Variants in SDK1 observed in about 807,000 individuals in gnomAD.
SDK1 encodes the protein protein sidekick-1.
A neutral mutation model predicts 245.5 loss-of-function variants in SDK1; 157 were observed. The observed-to-expected ratio is 0.64, with a 90% CI of 0.56 to 0.73. The LOEUF (loss-of-function observed/expected upper bound fraction) is 0.73, where lower values mean the gene tolerates loss of function less well. Among genes scored for constraint, SDK1 ranks in the 30% least tolerant of loss-of-function variants. The pLI is 0.00. For synonymous variants in SDK1, 1,647 were observed against 1,278.5 expected (o/e 1.29, Z -6.15); for missense variants, 3,583 against 3,002.3 (o/e 1.19, Z -4.52).
rs559035341 is a variant in SDK1, at chr7:4,267,787, T to C, written c.*2403T>C. On this transcript the variant is annotated 3_prime_UTR_variant, in exon 45 of 45. Transcript: ENST00000404826. ...TCTCCCCTCCACTCTTAGTAAACCT[T>C]GATCTGTACGGAGCGGCCTGTCCGA... 7.1e-6 allele frequency: 7 copies of C among 985,522 alleles called. No homozygotes were observed. The highest frequency in any genetic ancestry group is 7.0e-5 in the African/African-American group (4 of 57,382). 61.0% of individuals were successfully genotyped at this position (985,522 alleles called of 1,614,324 possible). A position where few individuals can be genotyped will look rare whatever the true frequency, so the allele number is the denominator to read the frequency against.
At chr7:3,477,099 A>G (rs984982984) in intron 1 of SDK1, among the ~76,000 whole-genome samples, 1 of 151,806 alleles carries the variant, frequency 6.6e-6, no homozygotes, top group Admixed American at 6.6e-5. Context: ...TACATGAGCC[A>G]TTAAAGTACT....
intron 1 of SDK1, among the ~76,000 whole-genome samples, chr7:3,533,003 G>A (rs575811351): frequency 1.6e-4 from 24 of 152,304 alleles, no homozygotes; most frequent in African/African-American, 5.5e-4. Flanking sequence ...CAGCTGAAGG[G>A]CAGAGAATAA....
At chr7:3,848,486 G>C (rs371834910) in intron 5 of SDK1, among the ~76,000 whole-genome samples, 13 of 152,114 alleles carry the variant, frequency 8.5e-5, no homozygotes, top group Admixed American at 5.9e-4. Flanking sequence ...AGTCAGGCAG[G>C]CTTCTTGAGC....
chr7:3,429,775 T>G (rs1779781612), intron 1 of SDK1, among the ~76,000 whole-genome samples: 1 of 151,200 alleles, frequency 6.6e-6, no homozygotes, highest in Non-Finnish European at 1.5e-5. Context: ...TTTTTTTTTG[T>G]AGAGACAGGT....
At chr7:3,498,580 ATTAC>A (rs1206594108) in intron 1 of SDK1, among the ~76,000 whole-genome samples, 16 of 152,122 alleles carry the variant, frequency 1.1e-4, no homozygotes, top group Admixed American at 1.0e-3. Flanking sequence ...ATTGATAGCT[ATTAC>A]TTCTTCCTTT....
At chr7:3,521,017 T>A (rs1021014618) in intron 1 of SDK1, among the ~76,000 whole-genome samples, 2 of 152,194 alleles carry the variant, frequency 1.3e-5, no homozygotes, top group Non-Finnish European at 2.9e-5. Flanking sequence ...GCTGTCTATG[T>A]TCCTTTCTGG....
intron 17 of SDK1, among the ~76,000 whole-genome samples, chr7:4,043,407 C>G (rs978253121): frequency 2.0e-5 from 3 of 151,486 alleles, no homozygotes; most frequent in Non-Finnish European, 2.9e-5. Flanking sequence ...GAGTGAGTGT[C>G]ACAGCCAGGG....
At chr7:4,248,262 ACAC>A (rs1374974487) in intron 44 of SDK1, among the ~76,000 whole-genome samples, 2 of 151,954 alleles carry the variant, frequency 1.3e-5, no homozygotes, top group African/African-American at 4.8e-5. Context: ...AGAACACACA[ACAC>A]ACACACCTAA....
At chr7:3,881,768 G>C (rs1042072644) in intron 5 of SDK1, among the ~76,000 whole-genome samples, 11 of 152,176 alleles carry the variant, frequency 7.2e-5, no homozygotes, top group African/African-American at 1.4e-4. Flanking sequence ...CCTCACACCA[G>C]AATGGTTCCT....
At chr7:3,941,068 C>A (rs756720985) in intron 5 of SDK1, among the ~76,000 whole-genome samples, 1 of 152,078 alleles carries the variant, frequency 6.6e-6, no homozygotes, top group Non-Finnish European at 1.5e-5. Flanking sequence ...AGACCCCCGT[C>A]TGTCTCCTGA....
At chr7:4,255,253 A>G (rs764081761) in intron 44 of SDK1, among the ~76,000 whole-genome samples, 1 of 152,190 alleles carries the variant, frequency 6.6e-6, no homozygotes, top group Non-Finnish European at 1.5e-5. Context: ...GTTTTCAACA[A>G]TGTCCTTAGG....
chr7:3,752,634 C>T (rs1043598723), intron 4 of SDK1, among the ~76,000 whole-genome samples: 1 of 152,126 alleles, frequency 6.6e-6, no homozygotes, highest in Non-Finnish European at 1.5e-5. Context: ...GGATTTACGT[C>T]ATCTGATACT....
chr7:3,693,128 G>A (rs754834975), intron 4 of SDK1, among the ~76,000 whole-genome samples: 4 of 151,638 alleles, frequency 2.6e-5, no homozygotes, highest in Non-Finnish European at 4.4e-5. Context: ...ATTTCTTAAC[G>A]ATATTAATAA....
At chr7:4,066,906 T>G (rs867344424) in intron 19 of SDK1, among the ~76,000 whole-genome samples, 1 of 152,152 alleles carries the variant, frequency 6.6e-6, no homozygotes, top group Admixed American at 6.5e-5. Flanking sequence ...CACCTGCATC[T>G]TGGATTTTTA....
chr7:3,436,817 C>T (rs1194980954), intron 1 of SDK1, among the ~76,000 whole-genome samples: 1 of 152,062 alleles, frequency 6.6e-6, no homozygotes, highest in East Asian at 1.9e-4. Context: ...TGAATAAGAG[C>T]CAGAAGAATG....
intron 17 of SDK1, among the ~76,000 whole-genome samples, chr7:4,048,523 G>C (rs376842815): frequency 2.1e-5 from 3 of 141,736 alleles, no homozygotes; most frequent in Non-Finnish European, 3.0e-5. Context: ...ACCCATCCTC[G>C]CCAGGCTCCT....
intron 17 of SDK1, among the ~76,000 whole-genome samples, chr7:4,031,179 A>G (rs1328387277): frequency 1.3e-5 from 2 of 152,224 alleles, no homozygotes; most frequent in Non-Finnish European, 2.9e-5. Flanking sequence ...GTTCTTGTAC[A>G]TGTATATATA....
intron 4 of SDK1, among the ~76,000 whole-genome samples, chr7:3,689,245 A>G (rs760551495): frequency 3.9e-5 from 6 of 152,128 alleles, no homozygotes; most frequent in Non-Finnish European, 5.9e-5. Flanking sequence ...CTTCCCTTGC[A>G]GCTATGGGGA....
At position 3,701,987 on chromosome 7, in the gene SDK1, A is replaced by G. The variant is rs540728445; in HGVS notation, c.713+59882A>G. Among the ~76,000 whole-genome samples the G allele has an allele frequency of 3.6e-3, 551 of 151,474 alleles. 2 individuals carry two copies. Among genetic ancestry groups the G allele is most frequent in the Non-Finnish European group, 5.3e-3 (356 of 67,802 alleles). ...TATCTTGACCTACACCCTAATCTTT[A>G]TATAAAAATTTACTTAAAGTGTGTT... On this transcript the variant is annotated intron_variant, in intron 4 of 44. Transcript: ENST00000404826.
Sources: gnomAD v4.1 joint callset for allele counts (sites outside exome capture counted in the v4.1 genomes callset) on GRCh38, gnomAD v4.1.1 for gene constraint, MANE v1.5 for transcripts, NCBI Gene and HGNC (gene_info 2026-07-23, HGNC 2026-07-21) for gene names.